The following GRID2 variants were observed in gnomAD, a reference collection of about 807,000 sequenced individuals.
The protein encoded by GRID2 is glutamate receptor ionotropic, delta-2.
Under a neutral mutation model 114.8 loss-of-function variants are expected in GRID2, and 33 were observed. The ratio of observed to expected loss-of-function variants is 0.29; its 90% CI spans 0.22 to 0.38. The LOEUF (loss-of-function observed/expected upper bound fraction) is 0.38, where lower values mean the gene tolerates loss of function less well. GRID2 is among the 10% of genes least tolerant of loss of function. GRID2 has a pLI of 1.00. For synonymous variants in GRID2, 505 were observed against 449.9 expected, an observed-to-expected ratio of 1.12 and a Z score of -1.55; for missense variants, 1,184 against 1,257.7, an observed-to-expected ratio of 0.94 and a Z score of 0.89.
At chr4:93,362,212 C>T (rs1761945107) in intron 8 of GRID2, among the ~76,000 whole-genome samples, 1 of 152,036 alleles carries the variant, frequency 6.6e-6, no homozygotes, top group African/African-American at 2.4e-5. Context: ...TGAGCCTGTG[C>T]CTCAGTGAGT....
intron 8 of GRID2, among the ~76,000 whole-genome samples, chr4:93,334,172 T>C (rs1162071410): frequency 2.0e-5 from 3 of 152,224 alleles, no homozygotes; most frequent in Admixed American, 6.5e-5. Flanking sequence ...TTGTGATTAA[T>C]ACTGCTAACA....
intron 2 of GRID2, among the ~76,000 whole-genome samples, chr4:92,864,472 T>G (rs1744729932): frequency 6.6e-6 from 1 of 152,198 alleles, no homozygotes; most frequent in South Asian, 2.1e-4. Flanking sequence ...ACAGACATCC[T>G]TTATGGAAGG....
chr4:92,680,841 G>C (rs1252522658), intron 2 of GRID2, among the ~76,000 whole-genome samples: 2 of 152,144 alleles, frequency 1.3e-5, no homozygotes, highest in African/African-American at 4.8e-5. Flanking sequence ...CTGTCCCAGA[G>C]ATACTTAGGT....
intron 8 of GRID2, among the ~76,000 whole-genome samples, chr4:93,333,137 T>C (rs11940699): frequency 0.25 from 38,492 of 151,952 alleles, 8,188 homozygotes; most frequent in African/African-American, 0.58. Context: ...ACCTGTCCCT[T>C]TAGGAAAGTA....
In GRID2 at chr4:92,654,988, T is replaced by A. The variant is rs552534218; in HGVS notation, c.244+64702T>A. Among the ~76,000 whole-genome samples the A allele has an allele frequency of 3.9e-5, 6 of 152,056 alleles. No homozygotes were observed. In the South Asian group the frequency reaches 6.2e-4, roughly 16 times the overall value. ...AGCCTGATGTCCTGAAGAGTGTTTGTTTTTTTACGGTTTCTTATAGTAATT... is the reference window on the plus strand; with the variant it reads ...AGCCTGATGTCCTGAAGAGTGTTTGATTTTTTACGGTTTCTTATAGTAATT... On this transcript the variant is annotated intron_variant, in intron 2 of 15. Coordinates refer to ENST00000282020, the MANE Select transcript of GRID2 (RefSeq NM_001510.4).
chr4:93,224,682 C>A lies in GRID2; in HGVS notation c.1032C>A (p.Asp344Glu). The A allele has an allele frequency of 6.2e-7, 1 of 1,611,428 alleles. No individual in the cohort carries two copies. The highest frequency in any genetic ancestry group is 8.5e-7 in the Non-Finnish European group (1 of 1,177,974). The change falls in exon 7 of 16, where the codon GAC becomes GAA. Residue 344 changes from aspartate to glutamate, a missense_variant. Physicochemically the swap from Asp to Glu is conservative, Grantham distance 45. This residue lies in a region of GRID2 where 12 missense variants were observed against 31.3 expected (regional missense o/e 0.38). Transcript: ENST00000282020. ...ATGCTTTTCATAAGAAGCTGGAGGACCGAAAGTGGCACAGCATGGCAAGTC... is the reference window on the plus strand; with the variant it reads ...ATGCTTTTCATAAGAAGCTGGAGGAACGAAAGTGGCACAGCATGGCAAGTC... ...LANAFHKKLE[D>E]RKWHSMASLS...
At chr4:93,606,690 A>T (rs58147051) in intron 13 of GRID2, among the ~76,000 whole-genome samples, 10,996 of 152,202 alleles carry the variant, frequency 0.072, 762 homozygotes, top group African/African-American at 0.18. Flanking sequence ...AATTTTATGT[A>T]AACATATTAT....
At chr4:92,954,065 A>C (rs1752211814) in intron 2 of GRID2, among the ~76,000 whole-genome samples, 1 of 152,186 alleles carries the variant, frequency 6.6e-6, no homozygotes, top group African/African-American at 2.4e-5. Context: ...ATGTATGCAC[A>C]AATACACATG....
chr4:93,608,339 T>G (rs2149657487), intron 13 of GRID2, among the ~76,000 whole-genome samples: 1 of 146,504 alleles, frequency 6.8e-6, no homozygotes, highest in South Asian at 2.2e-4. Flanking sequence ...ACTTTAAGTT[T>G]TAGGGTACAT....
intron 2 of GRID2, among the ~76,000 whole-genome samples, chr4:92,941,259 C>A (rs1415300385): frequency 6.6e-6 from 1 of 152,130 alleles, no homozygotes; most frequent in African/African-American, 2.4e-5. Flanking sequence ...TGTAACTGGT[C>A]TATTCAGAGA....
intron 2 of GRID2, among the ~76,000 whole-genome samples, chr4:92,676,145 T>C: frequency 7.0e-6 from 1 of 142,624 alleles, no homozygotes; most frequent in Non-Finnish European, 1.5e-5. Flanking sequence ...TATGATGCAT[T>C]GTCGTGTCAA....
intron 1 of GRID2, among the ~76,000 whole-genome samples, chr4:92,356,856 T>C (rs924373572): frequency 1.3e-5 from 2 of 151,410 alleles, no homozygotes; most frequent in Non-Finnish European, 3.0e-5. Context: ...CAGGGGGAGG[T>C]ATTTGTCTTG....
At chr4:93,598,013 G>C (rs944309633) in intron 13 of GRID2, among the ~76,000 whole-genome samples, 10 of 152,080 alleles carry the variant, frequency 6.6e-5, no homozygotes, top group African/African-American at 2.2e-4. Flanking sequence ...ATATCAATAG[G>C]AAAGACTAAA....
intron 1 of GRID2, among the ~76,000 whole-genome samples, chr4:92,585,644 T>C (rs2149206691): frequency 6.6e-6 from 1 of 152,088 alleles, no homozygotes; most frequent in East Asian, 1.9e-4. Context: ...TGTGGAAAAT[T>C]TCTTCAAGAT....
chr4:93,469,118 G>A (rs949064465), intron 11 of GRID2, among the ~76,000 whole-genome samples: 1 of 152,070 alleles, frequency 6.6e-6, no homozygotes, highest in Non-Finnish European at 1.5e-5. Context: ...TTGTGGTGAT[G>A]ACTCCTGAAG....
At chr4:92,474,717 T>C (rs1484084185) in intron 1 of GRID2, among the ~76,000 whole-genome samples, 1 of 152,036 alleles carries the variant, frequency 6.6e-6, no homozygotes, top group African/African-American at 2.4e-5. Flanking sequence ...AAGTGATATC[T>C]CATTGTAGTT....
intron 2 of GRID2, among the ~76,000 whole-genome samples, chr4:92,660,316 T>C (rs1732457338): frequency 6.6e-6 from 1 of 151,316 alleles, no homozygotes; most frequent in Non-Finnish European, 1.5e-5. Context: ...CCCTAATGTA[T>C]TTGTCTTTTA....
At chr4:93,420,704 AATTT>A (rs142485128) in intron 9 of GRID2, among the ~76,000 whole-genome samples, 2 of 150,454 alleles carry the variant, frequency 1.3e-5, no homozygotes, top group Non-Finnish European at 3.0e-5. Flanking sequence ...AAAATATGGA[AATTT>A]ATTTGTTTAT....
intron 13 of GRID2, among the ~76,000 whole-genome samples, chr4:93,611,882 G>A (rs973072895): frequency 6.6e-6 from 1 of 151,702 alleles, no homozygotes; most frequent in Non-Finnish European, 1.5e-5. Context: ...TTGACTTTCT[G>A]TCTCATGGAT....
Sources: allele counts gnomAD v4.1 joint callset (sites outside exome capture counted in the v4.1 genomes callset), GRCh38; gene constraint gnomAD v4.1.1; regional missense constraint gnomAD v4.1.1; transcripts MANE v1.5; gene names NCBI Gene and HGNC (gene_info 2026-07-23, HGNC 2026-07-21).